ZCCHC14: variants seen among roughly 807,000 people sequenced by gnomAD.
The protein encoded by ZCCHC14 is zinc finger CCHC domain-containing protein 14.
In ZCCHC14, 16 loss-of-function variants were observed where a neutral mutation model predicts 85.0. That is an observed-to-expected ratio of 0.19 (90% CI 0.13 to 0.29). The LOEUF is 0.29. Ranked by LOEUF, ZCCHC14 falls within the 10% of genes least tolerant of loss-of-function variation. The pLI is 1.00. For synonymous variants in ZCCHC14, 775 were observed against 630.7 expected, an observed-to-expected ratio of 1.23 and a Z score of -3.43; for missense variants, 1,303 against 1,443.5, an observed-to-expected ratio of 0.90 and a Z score of 1.58.
chr16:87,411,280 T>C, intron 12 of ZCCHC14: 1 of 1,272,556 alleles, frequency 7.9e-7, no homozygotes, highest in South Asian at 1.5e-5. Context: ...CTGTCCACAC[T>C]GGCTAAGCAC....
chr16:87,432,207 T>C (rs1909697009), intron 3 of ZCCHC14, among the ~76,000 whole-genome samples: 1 of 152,126 alleles, frequency 6.6e-6, no homozygotes, highest in African/African-American at 2.4e-5. Flanking sequence ...CAGCACTCGA[T>C]GCACATGTGG....
rs747326805 is a variant in ZCCHC14, at chr16:87,491,743, C to T, written c.496G>A (p.Gly166Ser). ...CCCTTGCCGCCGTGGCCCCCGCCGC[C>T]GTTCAGGCTGCTCTGGATCTGCGTG... ...ELTQIQSSLN[G>S]GGGHGGKGAP... The change falls in exon 1 of 13, where the codon GGC (glycine) becomes AGC (serine). Residue 166 changes from glycine to serine, a missense_variant. By Grantham distance (56) the Gly-to-Ser change is moderately conservative (BLOSUM62 0). Transcript: ENST00000671377. The surrounding 1 kb of genome is among the most constrained non-coding windows in gnomAD (Gnocchi z 5.9). The T allele has an allele frequency of 1.9e-6, 3 of 1,578,598 alleles. No individual in the cohort carries two copies. Among genetic ancestry groups the T allele is most frequent in the South Asian group, 2.3e-5 (2 of 86,840 alleles).
rs1912758886 is a variant in ZCCHC14, at chr16:87,491,384, G to A, written c.570+285C>T. 1.3e-5 allele frequency among the ~76,000 whole-genome samples: 2 copies of A among 151,924 alleles called. No homozygotes were observed. The highest frequency in any genetic ancestry group is 4.8e-5 in the African/African-American group (2 of 41,264). The stretch of plus-strand genomic sequence containing the variant: ...GGTGAGGAGTGCGGGCTTAGGATGG[G>A]GGCTTGGGATGTACGGCGGAGGCTT... On this transcript the variant is annotated intron_variant, in intron 1 of 12. Transcript: ENST00000671377. The surrounding 1 kb of genome is among the most constrained non-coding windows in gnomAD (Gnocchi z 5.9).
chr16:87,455,282 C>A (rs544663335), intron 2 of ZCCHC14, among the ~76,000 whole-genome samples: 1 of 151,718 alleles, frequency 6.6e-6, no homozygotes, highest in Non-Finnish European at 1.5e-5. Flanking sequence ...GAGTGAAACT[C>A]CGTCCCCCCC....
chr16:87,447,653 G>A (rs1910506794), intron 2 of ZCCHC14, among the ~76,000 whole-genome samples: 1 of 152,188 alleles, frequency 6.6e-6, no homozygotes, highest in Non-Finnish European at 1.5e-5. Flanking sequence ...TTATGCATAA[G>A]CTGCTATAAG....
intron 2 of ZCCHC14, among the ~76,000 whole-genome samples, chr16:87,452,792 G>A (rs74832650): frequency 0.15 from 23,352 of 152,178 alleles, 6,017 homozygotes; most frequent in African/African-American, 0.53. Context: ...GACCCCCCTC[G>A]TGACAGCAGT....
At chr16:87,418,755 A>G in intron 7 of ZCCHC14, 92 bp downstream of exon 7, 1 of 1,277,188 alleles carries the variant, frequency 7.8e-7, no homozygotes, top group Non-Finnish European at 1.1e-6. Flanking sequence ...CTTGAGCATG[A>G]CTTAATTCTT....
At position 87,467,137 on chromosome 16, in the gene ZCCHC14, G is replaced by C. The variant is rs141598804; in HGVS notation, c.571-7006C>G. The C allele has an allele frequency of 7.4e-4, 743 of 1,003,346 alleles. 2 individuals are homozygous for C. In the East Asian group the frequency reaches 0.013, roughly 18 times the overall value. The allele number at this position is 1,003,346 out of a possible 1,614,324, so 62.2% of individuals were successfully genotyped here. A position where few individuals can be genotyped will look rare whatever the true frequency, so the allele number is the denominator to read the frequency against. On this transcript the variant is annotated intron_variant, in intron 1 of 12. Transcript: ENST00000671377. Reference sequence around the variant, plus strand: ...TGGCCTCAAAAGTGGTCCTCCACCAGATCAGACCTGTTGATAGATGAAAAC... The same window carrying C: ...TGGCCTCAAAAGTGGTCCTCCACCACATCAGACCTGTTGATAGATGAAAAC...
chr16:87,460,767 A>T (rs1180988633), intron 1 of ZCCHC14, among the ~76,000 whole-genome samples: 1 of 152,220 alleles, frequency 6.6e-6, no homozygotes, highest in Non-Finnish European at 1.5e-5. Flanking sequence ...TTTTATTTTC[A>T]TATTTCTTCA....
intron 3 of ZCCHC14, among the ~76,000 whole-genome samples, chr16:87,425,530 C>T (rs1358823540): frequency 6.6e-6 from 1 of 151,412 alleles, no homozygotes; most frequent in African/African-American, 2.4e-5. Flanking sequence ...GAGCCGAGAT[C>T]GCGCCATTGC....
At chr16:87,487,550 TGCACACGGCACCTA>T (rs1912563978) in intron 1 of ZCCHC14, among the ~76,000 whole-genome samples, 1 of 152,232 alleles carries the variant, frequency 6.6e-6, no homozygotes, top group Non-Finnish European at 1.5e-5. Context: ...TACACAGCTC[TGCACACGGCACCTA>T]GCAATCCACC....
chr16:87,464,799 G>A (rs1185376851), intron 1 of ZCCHC14, among the ~76,000 whole-genome samples: 3 of 152,046 alleles, frequency 2.0e-5, no homozygotes, highest in African/African-American at 7.3e-5. Flanking sequence ...TGCTGTTTTG[G>A]GGTTATTTTT....
chr16:87,486,524 G>A (rs1185744422), intron 1 of ZCCHC14, among the ~76,000 whole-genome samples: 1 of 152,162 alleles, frequency 6.6e-6, no homozygotes, highest in African/African-American at 2.4e-5. Flanking sequence ...CACACAACAA[G>A]ATCAGCTGAG....
intron 1 of ZCCHC14, among the ~76,000 whole-genome samples, chr16:87,475,084 T>C (rs1004323862): frequency 2.0e-5 from 3 of 151,932 alleles, no homozygotes; most frequent in African/African-American, 4.8e-5. Flanking sequence ...AAATATAACC[T>C]GTACAAAGAG....
chr16:87,485,279 G>C (rs751948536), intron 1 of ZCCHC14, among the ~76,000 whole-genome samples: 1 of 152,184 alleles, frequency 6.6e-6, no homozygotes, highest in African/African-American at 2.4e-5. Context: ...CTCACTTTAA[G>C]TAGCTTCAGG....
At position 87,408,778 on chromosome 16, in the gene ZCCHC14, T is replaced by C. The variant is rs570564318; in HGVS notation, c.*1502A>G. The stretch of plus-strand genomic sequence containing the variant: ...CACAAGGCCTCATTCTAGGGTATTC[T>C]TCTGATTTACATCAATTTTTCATGA... On this transcript the variant is annotated 3_prime_UTR_variant, in exon 13 of 13. Transcript: ENST00000671377. The C allele has an allele frequency of 2.8e-4, 42 of 152,578 alleles. No individual in the cohort carries two copies. The highest frequency in any genetic ancestry group is 9.9e-4 in the African/African-American group (41 of 41,578). 9.5% of individuals were successfully genotyped at this position (152,578 alleles called of 1,614,324 possible). A position where few individuals can be genotyped will look rare whatever the true frequency, so the allele number is the denominator to read the frequency against.
chr16:87,422,582 G>C (rs1321330539), intron 4 of ZCCHC14, among the ~76,000 whole-genome samples: 4 of 139,876 alleles, frequency 2.9e-5, no homozygotes, highest in African/African-American at 3.1e-5. Flanking sequence ...AAAAAAAAAA[G>C]AGAGAGAGCT....
At chr16:87,445,673 G>A (rs1220302283) in intron 2 of ZCCHC14, among the ~76,000 whole-genome samples, 1 of 152,144 alleles carries the variant, frequency 6.6e-6, no homozygotes, top group Non-Finnish European at 1.5e-5. Flanking sequence ...TGTGGGCTCA[G>A]CCGCTACGAC....
At position 87,407,910 on chromosome 16, in the gene ZCCHC14, C is replaced by G. The variant is rs937279734; in HGVS notation, c.*2370G>C. On this transcript the variant is annotated 3_prime_UTR_variant, in exon 13 of 13. Transcript: ENST00000671377. ...AAAGAGGCCTCACGGATGGGTGGTT[C>G]CATTTTCTCTGCGCTGTGTAGCTCC... 6.5e-6 allele frequency: 1 copy of G among 152,676 alleles called. No individual in the cohort carries two copies. Among genetic ancestry groups the G allele is most frequent in the African/African-American group, 2.4e-5 (1 of 41,440 alleles). The allele number at this position is 152,676 out of a possible 1,614,324, so 9.5% of individuals were successfully genotyped here.
Sources: gnomAD v4.1 joint callset for allele counts (sites outside exome capture counted in the v4.1 genomes callset) on GRCh38, gnomAD v4.1.1 for gene constraint, Gnocchi (gnomAD v3.1) non-coding constraint, MANE v1.5 for transcripts, NCBI Gene and HGNC (gene_info 2026-07-23, HGNC 2026-07-21) for gene names.